The following USP47 variants were observed in gnomAD, a reference collection of about 807,000 sequenced individuals.
USP47 encodes the protein ubiquitin specific peptidase 47, also known as ubiquitin carboxyl-terminal hydrolase 47.
USP47 carries 35 observed loss-of-function variants against 165.1 expected under a neutral mutation model. The ratio of observed to expected loss-of-function variants is 0.21; its 90% CI spans 0.16 to 0.28. The LOEUF is 0.28. Among genes scored for constraint, USP47 ranks in the 10% least tolerant of loss-of-function variants. USP47 has a pLI of 1.00. For missense variants in USP47, 1,277 were observed against 1,607.4 expected (o/e 0.79, Z 3.52); for synonymous variants, 531 against 544.5 (o/e 0.98, Z 0.35).
At chr11:11,887,911 T>TC in intron 3 of USP47, among the ~76,000 whole-genome samples, 1 of 151,072 alleles carries the variant, frequency 6.6e-6, no homozygotes, top group Admixed American at 6.6e-5. Flanking sequence ...ACTCAAGAAA[T>TC]TCACTCAAAA....
In USP47 at chr11:11,938,197, CAT is replaced by C. The variant is rs765301194; in HGVS notation, c.2078-59_2078-58del. On this transcript the variant is annotated intron_variant, in intron 17 of 27. Coordinates refer to ENST00000527733, the MANE Select transcript of USP47 (RefSeq NM_001282659.2). ...AGAAACACATTAAGAATGCATTACT[CAT>C]GTGAAATACATTAAAAAATAACCTC... 7.3e-5 allele frequency: 105 copies of C among 1,428,658 alleles called. 1 individual carries two copies. The East Asian group carries it at 1.7e-3, about 23-fold the overall frequency. The allele number at this position is 1,428,658 out of a possible 1,614,324, so 88.5% of individuals were successfully genotyped here. A position where few individuals can be genotyped will look rare whatever the true frequency, so the allele number is the denominator to read the frequency against.
At chr11:11,946,478 C>T (rs777215010) in intron 20 of USP47, among the ~76,000 whole-genome samples, 2 of 152,198 alleles carry the variant, frequency 1.3e-5, no homozygotes, top group Non-Finnish European at 2.9e-5. Flanking sequence ...AAGACTTTTA[C>T]TACATTTGTC....
At chr11:11,926,541 T>C (rs1384090527) in intron 11 of USP47, among the ~76,000 whole-genome samples, 4 of 152,078 alleles carry the variant, frequency 2.6e-5, no homozygotes, top group Non-Finnish European at 5.9e-5. Context: ...TCATTTCTGA[T>C]TTTTGTTATT....
At chr11:11,872,559 G>A (rs1220454714) in intron 1 of USP47, among the ~76,000 whole-genome samples, 1 of 152,132 alleles carries the variant, frequency 6.6e-6, no homozygotes, top group African/African-American at 2.4e-5. Flanking sequence ...AAATATTCCA[G>A]GTACATGGTA....
At chr11:11,903,674 G>A (rs548152568) in intron 7 of USP47, among the ~76,000 whole-genome samples, 2 of 152,166 alleles carry the variant, frequency 1.3e-5, no homozygotes, top group South Asian at 2.1e-4. Flanking sequence ...CAGATAATTA[G>A]GTAAATTATA....
At position 11,961,069 on chromosome 11, in the gene USP47, C is replaced by T. The variant is rs142190543; in HGVS notation, c.*4894C>T. Among the ~76,000 whole-genome samples the T allele has an allele frequency of 7.5e-3, 1,135 of 152,234 alleles. 17 individuals carry two copies. Among genetic ancestry groups the T allele is most frequent in the African/African-American group, 0.026 (1,089 of 41,518 alleles). On this transcript the variant is annotated 3_prime_UTR_variant, in exon 28 of 28. Coordinates refer to ENST00000527733, the MANE Select transcript of USP47 (RefSeq NM_001282659.2). ...ACACCAGCTTTATCAATAATAATATCGGTGGTTTACTTAAGGTGTCCAGAG... is the reference window on the plus strand; with the variant it reads ...ACACCAGCTTTATCAATAATAATATTGGTGGTTTACTTAAGGTGTCCAGAG...
At chr11:11,910,002 T>C (rs1852847030) in intron 8 of USP47, among the ~76,000 whole-genome samples, 1 of 152,214 alleles carries the variant, frequency 6.6e-6, no homozygotes, top group Non-Finnish European at 1.5e-5. Context: ...TGTCCAAATA[T>C]GTAAGCATCA....
intron 1 of USP47, among the ~76,000 whole-genome samples, chr11:11,866,865 C>G (rs1849714449): frequency 6.6e-6 from 1 of 151,496 alleles, no homozygotes; most frequent in Non-Finnish European, 1.5e-5. Flanking sequence ...ATCTGTTGTT[C>G]TCTCTGACTG....
In USP47 at chr11:11,853,902, G is replaced by A. The variant is rs533907165; in HGVS notation, c.39+11678G>A. Among the ~76,000 whole-genome samples the A allele has an allele frequency of 5.3e-5, 8 of 152,042 alleles. No individual in the cohort carries two copies. The East Asian group carries it at 7.8e-4, about 15-fold the overall frequency. ...AGCACTTTGGGAGGCCGAGATGGGT[G>A]GATCACGAGGTCAGGAGATTGAGAC... is the stretch of plus-strand genomic sequence containing the variant. On this transcript the variant is annotated intron_variant, in intron 1 of 27. Coordinates refer to ENST00000527733, the MANE Select transcript of USP47 (RefSeq NM_001282659.2).
chr11:11,853,539 T>C (rs1465140150), intron 1 of USP47, among the ~76,000 whole-genome samples: 1 of 152,220 alleles, frequency 6.6e-6, no homozygotes, highest in Non-Finnish European at 1.5e-5. Flanking sequence ...TTTACTGGTA[T>C]AGTGTAAGAA....
intron 17 of USP47, 48 bp downstream of exon 17, chr11:11,936,558 A>T (rs759781632): frequency 7.1e-7 from 1 of 1,413,210 alleles, no homozygotes; most frequent in Non-Finnish European, 9.4e-7. Context: ...TAGAATTTTC[A>T]TGAGAAAGTT....
chr11:11,951,656 T>C (rs1309692555), intron 24 of USP47: 2 of 152,162 alleles, frequency 1.3e-5, no homozygotes, highest in African/African-American at 4.8e-5. Flanking sequence ...TTATCCTAGT[T>C]TTTAGAGAGC....
intron 1 of USP47, among the ~76,000 whole-genome samples, chr11:11,879,382 G>A (rs981289668): frequency 2.0e-5 from 3 of 151,332 alleles, no homozygotes; most frequent in African/African-American, 7.3e-5. Context: ...TATAGAAGGA[G>A]GGAAAGGAAT....
intron 20 of USP47, among the ~76,000 whole-genome samples, chr11:11,944,926 G>A (rs1855726795): frequency 6.6e-6 from 1 of 152,106 alleles, no homozygotes; most frequent in African/African-American, 2.4e-5. Context: ...GATTCGATGG[G>A]AATACTTAGA....
intron 1 of USP47, among the ~76,000 whole-genome samples, chr11:11,874,519 T>A (rs985809781): frequency 8.5e-5 from 13 of 152,134 alleles, no homozygotes; most frequent in Non-Finnish European, 1.8e-4. Context: ...CTTAGAAATG[T>A]TACTTGTTAA....
rs1462153523 is a variant in USP47, at chr11:11,924,717, T to G, written c.1386+1826T>G. 2.6e-5 allele frequency among the ~76,000 whole-genome samples: 4 copies of G among 152,220 alleles called. No homozygotes were observed. In the East Asian group the frequency reaches 5.8e-4, roughly 22 times the overall value. On this transcript the variant is annotated intron_variant, in intron 11 of 27. Coordinates refer to ENST00000527733, the MANE Select transcript of USP47 (RefSeq NM_001282659.2). ...TTTTAAGAAGTTGGTCTGTTTTATC[T>G]GTGTTATCAAACTTGGGGGCATAGA...
rs373553781 is a variant in USP47, at chr11:11,955,036, T to C, written c.3765T>C (p.Gly1255=). The C allele has an allele frequency of 1.5e-5, 24 of 1,613,558 alleles. No individual in the cohort carries two copies. In the Admixed American group the frequency reaches 2.2e-4, roughly 15 times the overall value. Residue 1255 remains glycine, a splice_region_variant and synonymous_variant, in exon 27 of 28, where the codon GGT becomes GGC. Coordinates refer to ENST00000527733, the MANE Select transcript of USP47 (RefSeq NM_001282659.2). ...TCATTCATTCTTTTTCTTTTTAGGG[T>C]AGAGGAACATTTCCCTGTGATATTT... ...IPLDDIEFAK[G]RGTFPCDISV...
In USP47 at chr11:11,948,136, C is replaced by A. The variant is rs1564894087; in HGVS notation, c.3267+16C>A. On this transcript the variant is annotated intron_variant, in intron 21 of 27. Coordinates refer to ENST00000527733, the MANE Select transcript of USP47 (RefSeq NM_001282659.2). ...TGACAATAAGGTTGATTAAAATAAT[C>A]TTCGAGTAGTTAGAGTCTATTTTAA... 6.3e-7 allele frequency: 1 copy of A among 1,596,388 alleles called. No individual in the cohort carries two copies. Among genetic ancestry groups the A allele is most frequent in the East Asian group, 2.2e-5 (1 of 44,618 alleles).
At chr11:11,923,667 A>G (rs1369554612) in intron 11 of USP47, among the ~76,000 whole-genome samples, 1 of 152,238 alleles carries the variant, frequency 6.6e-6, no homozygotes, top group Non-Finnish European at 1.5e-5. Context: ...TTACAGAGTC[A>G]TTAAATATAG....
Sources: allele counts gnomAD v4.1 joint callset (sites outside exome capture counted in the v4.1 genomes callset), GRCh38; gene constraint gnomAD v4.1.1; transcripts MANE v1.5; gene names NCBI Gene and HGNC (gene_info 2026-07-23, HGNC 2026-07-21).